Variants in TIMMDC1 observed in about 807,000 individuals in gnomAD.
TIMMDC1 encodes translocase of inner mitochondrial membrane domain containing 1.
A neutral mutation model predicts 32.6 loss-of-function variants in TIMMDC1; 25 were observed. That is an observed-to-expected ratio of 0.77 (90% CI 0.56 to 1.07). The LOEUF is 1.07. TIMMDC1 is among the 50% of genes least tolerant of loss of function. TIMMDC1 has a pLI of 0.00. For synonymous variants in TIMMDC1, 130 were observed against 127.6 expected (o/e 1.02, Z -0.13); for missense variants, 329 against 349.2 (o/e 0.94, Z 0.46).
chr3:119,500,990 A>G lies in TIMMDC1; in HGVS notation c.360+130A>G, dbSNP rs1185188532. On this transcript the variant is annotated intron_variant, in intron 2 of 6. Coordinates refer to ENST00000494664, the MANE Select transcript of TIMMDC1 (RefSeq NM_016589.4). ...GTCAGAGTAAAGAAATAAAGTCTGTACTTAATAACAGTGGAAGTACTAATG... is the reference window on the plus strand; with the variant it reads ...GTCAGAGTAAAGAAATAAAGTCTGTGCTTAATAACAGTGGAAGTACTAATG... The G allele has an allele frequency of 5.9e-6, 5 of 843,662 alleles. No individual in the cohort carries two copies. In the African/African-American group the frequency reaches 6.9e-5, roughly 12 times the overall value. The allele number at this position is 843,662 out of a possible 1,614,324, so 52.3% of individuals were successfully genotyped here. A position where few individuals can be genotyped will look rare whatever the true frequency, so the allele number is the denominator to read the frequency against.
At chr3:119,521,513 C>T (rs1008961502) in intron 6 of TIMMDC1, among the ~76,000 whole-genome samples, 3 of 151,810 alleles carry the variant, frequency 2.0e-5, no homozygotes, top group Non-Finnish European at 4.4e-5. Context: ...TGCCACTGCA[C>T]TCCAGCCTGA....
intron 4 of TIMMDC1, among the ~76,000 whole-genome samples, chr3:119,506,373 T>C (rs1239447047): frequency 6.6e-6 from 1 of 152,138 alleles, no homozygotes; most frequent in Non-Finnish European, 1.5e-5. Context: ...CAAAAAGTTA[T>C]CTGGGCATGG....
At chr3:119,510,090 GA>G (rs1286912115) in intron 4 of TIMMDC1, among the ~76,000 whole-genome samples, 3 of 152,094 alleles carry the variant, frequency 2.0e-5, no homozygotes, top group Non-Finnish European at 4.4e-5. Context: ...CACAGAAGGG[GA>G]AAAAGGCAGT....
At chr3:119,519,872 T>C (rs2082013641) in intron 6 of TIMMDC1, among the ~76,000 whole-genome samples, 2 of 151,720 alleles carry the variant, frequency 1.3e-5, no homozygotes, top group South Asian at 4.2e-4. Flanking sequence ...AAAACAAGTC[T>C]CAACAAATTT....
rs987581517 is a variant in TIMMDC1, at chr3:119,498,674, A to G, written c.-60A>G. ...TCGTACAGTTACGCTCTCCCGCGGCACGTCCGCGAGGACTTGAAGTCCTGA... is the reference window on the plus strand; with the variant it reads ...TCGTACAGTTACGCTCTCCCGCGGCGCGTCCGCGAGGACTTGAAGTCCTGA... On this transcript the variant is annotated 5_prime_UTR_variant, in exon 1 of 7. Transcript: ENST00000494664. 6 of 1,537,494 alleles carry G rather than the reference A, an allele frequency of 3.9e-6. No homozygotes were observed. The South Asian group carries it at 6.8e-5, about 18-fold the overall frequency.
chr3:119,509,028 A>G (rs1310058042), intron 4 of TIMMDC1, among the ~76,000 whole-genome samples: 1 of 152,172 alleles, frequency 6.6e-6, no homozygotes, highest in Non-Finnish European at 1.5e-5. Flanking sequence ...CAACATGGTG[A>G]AACCTCGCCT....
chr3:119,510,942 C>T (rs2081948241), intron 4 of TIMMDC1, among the ~76,000 whole-genome samples: 1 of 152,168 alleles, frequency 6.6e-6, no homozygotes, highest in Non-Finnish European at 1.5e-5. Flanking sequence ...TTGAAAAATC[C>T]ACATATAACT....
intron 4 of TIMMDC1, among the ~76,000 whole-genome samples, chr3:119,512,404 G>C (rs1238331198): frequency 2.0e-5 from 3 of 152,114 alleles, no homozygotes; most frequent in Non-Finnish European, 4.4e-5. Flanking sequence ...TCAGCCTCCT[G>C]AGTAGCTAGG....
intron 6 of TIMMDC1, among the ~76,000 whole-genome samples, chr3:119,518,897 A>G (rs947938896): frequency 1.3e-5 from 2 of 152,316 alleles, no homozygotes; most frequent in Non-Finnish European, 2.9e-5. Flanking sequence ...CAAACAGACA[A>G]ACAAAACCCA....
In TIMMDC1 at chr3:119,500,869, T is replaced by A. The variant is rs1428483345; in HGVS notation, c.360+9T>A. On this transcript the variant is annotated intron_variant, in intron 2 of 6. Coordinates refer to ENST00000494664, the MANE Select transcript of TIMMDC1 (RefSeq NM_016589.4). ...ACCGGTTTGATGCTGTGGTATGTAC[T>A]GGTGATCTAAAGAAATTTGGGGCAC... 3.7e-6 allele frequency: 6 copies of A among 1,604,516 alleles called. No homozygotes were observed. Among genetic ancestry groups the A allele is most frequent in the Non-Finnish European group, 5.1e-6 (6 of 1,175,828 alleles).
chr3:119,500,616 T>G lies in TIMMDC1; in HGVS notation c.195-79T>G, dbSNP rs1460029550. The stretch of plus-strand genomic sequence containing the variant: ...AAATGTTGTGGTGGTAGCATTTGGG[T>G]TAATTCTGATTATAGAGTCTCTTGG... On this transcript the variant is annotated intron_variant, in intron 1 of 6. Transcript: ENST00000494664. 6.0e-6 allele frequency: 8 copies of G among 1,335,226 alleles called. No individual in the cohort carries two copies. The African/African-American group carries it at 1.2e-4, about 20-fold the overall frequency. 82.7% of individuals were successfully genotyped at this position (1,335,226 alleles called of 1,614,324 possible).
In TIMMDC1 at chr3:119,517,263, G is replaced by A. The variant is rs374645616; in HGVS notation, c.655G>A (p.Glu219Lys). ...FQKYSGETVQ[E>K]RKQKDRKALH... ...GAAGTACTCTGGTGAGACTGTTCAG[G>A]AAAGAAAACAGAAGGATCGAAAGGC... Residue 219 changes from glutamate (E) to lysine (K), a missense_variant, in exon 6 of 7, where the codon GAA becomes AAA. Coordinates refer to ENST00000494664, the MANE Select transcript of TIMMDC1 (RefSeq NM_016589.4). 14 of 1,613,774 alleles carry A rather than the reference G, an allele frequency of 8.7e-6. No individual in the cohort carries two copies. The highest frequency in any genetic ancestry group is 1.1e-5 in the Non-Finnish European group (13 of 1,179,854).
chr3:119,509,378 TA>T (rs2081938661), intron 4 of TIMMDC1, among the ~76,000 whole-genome samples: 1 of 152,286 alleles, frequency 6.6e-6, no homozygotes, highest in African/African-American at 2.4e-5. Context: ...AGTGAATGGA[TA>T]AATAAAATAT....
intron 4 of TIMMDC1, among the ~76,000 whole-genome samples, chr3:119,507,147 T>G (rs2081923583): frequency 1.3e-5 from 2 of 152,244 alleles, no homozygotes; most frequent in South Asian, 4.1e-4. Context: ...TGGTGTTTTC[T>G]GAACTTTCTG....
intron 5 of TIMMDC1, among the ~76,000 whole-genome samples, chr3:119,515,459 CAGAT>C (rs1335765744): frequency 5.3e-5 from 8 of 152,310 alleles, no homozygotes; most frequent in South Asian, 2.1e-4. Flanking sequence ...AGTGTTCACT[CAGAT>C]AGCCATCTCC....
intron 4 of TIMMDC1, among the ~76,000 whole-genome samples, chr3:119,507,427 A>G (rs1011098154): frequency 6.6e-6 from 1 of 152,194 alleles, no homozygotes; most frequent in African/African-American, 2.4e-5. Flanking sequence ...AGCTGTGTCC[A>G]GTCTACTATT....
intron 6 of TIMMDC1, among the ~76,000 whole-genome samples, chr3:119,522,285 T>G (rs1246061838): frequency 6.6e-6 from 1 of 152,196 alleles, no homozygotes; most frequent in African/African-American, 2.4e-5. Context: ...GACATTGTTA[T>G]GTAAAATAAG....
chr3:119,512,568 G>A (rs541587941), intron 4 of TIMMDC1, among the ~76,000 whole-genome samples: 8 of 152,060 alleles, frequency 5.3e-5, no homozygotes, highest in Non-Finnish European at 7.4e-5. Flanking sequence ...GTGAGCCACC[G>A]TGCCCGGCCC....
In TIMMDC1 at chr3:119,513,681, T is replaced by C; in HGVS notation, c.558T>C (p.Arg186=). ...TTTTTAGGATAAACGTAGGCCTGCG[T>C]GGCCTGGTGGCTGGTGGCATAATTG... ...GSLFRINVGL[R]GLVAGGIIGA... is the part of the protein sequence containing the mutation. Residue 186 remains arginine, a synonymous_variant, in exon 5 of 7, where the codon CGT becomes CGC. Coordinates refer to ENST00000494664, the MANE Select transcript of TIMMDC1 (RefSeq NM_016589.4). 6.2e-7 allele frequency: 1 copy of C among 1,610,556 alleles called. No homozygotes were observed. The highest frequency in any genetic ancestry group is 8.5e-7 in the Non-Finnish European group (1 of 1,178,764).
Sources: allele counts gnomAD v4.1 joint callset (sites outside exome capture counted in the v4.1 genomes callset), GRCh38; gene constraint gnomAD v4.1.1; transcripts MANE v1.5; gene names NCBI Gene and HGNC (gene_info 2026-07-23, HGNC 2026-07-21).